Variants in SPAG9 observed in about 807,000 individuals in gnomAD.
The protein encoded by SPAG9 is sperm associated antigen 9, also known as C-Jun-amino-terminal kinase-interacting protein 4.
Under a neutral mutation model 166.5 loss-of-function variants are expected in SPAG9, and 35 were observed. The observed-to-expected ratio is 0.21, with a 90% CI of 0.16 to 0.28. SPAG9 has a LOEUF of 0.28. Ranked by LOEUF, SPAG9 falls within the 10% of genes least tolerant of loss-of-function variation. SPAG9 has a pLI of 1.00. For synonymous variants in SPAG9, 534 were observed against 565.5 expected, an observed-to-expected ratio of 0.94 and a Z score of 0.79; for missense variants, 1,235 against 1,603.3, an observed-to-expected ratio of 0.77 and a Z score of 3.92.
chr17:51,028,148 A>ATGT (rs2046259225), intron 6 of SPAG9, among the ~76,000 whole-genome samples: 2 of 152,118 alleles, frequency 1.3e-5, no homozygotes, highest in Admixed American at 1.3e-4. Flanking sequence ...GAGCTATACA[A>ATGT]TGTGTTTGTG....
At chr17:51,023,079 T>G (rs565146910) in intron 6 of SPAG9, among the ~76,000 whole-genome samples, 1 of 149,162 alleles carries the variant, frequency 6.7e-6, no homozygotes, top group African/African-American at 2.4e-5. Context: ...CTGTAAAATA[T>G]AGATAACAGT....
intron 1 of SPAG9, among the ~76,000 whole-genome samples, chr17:51,096,311 T>C (rs996723011): frequency 1.3e-5 from 2 of 150,944 alleles, no homozygotes; most frequent in South Asian, 2.1e-4. Flanking sequence ...ACTGCTCCAC[T>C]GCACTCCAGC....
In SPAG9 at chr17:51,041,504, C is replaced by T. The variant is rs140517324; in HGVS notation, c.738G>A (p.Leu246=). 8.6e-5 allele frequency: 139 copies of T among 1,612,842 alleles called. No individual in the cohort carries two copies. Among genetic ancestry groups the T allele is most frequent in the Non-Finnish European group, 1.1e-4 (133 of 1,179,530 alleles). ...ATTTCAGCAGCATAAAGCTTACCTTCAGGCTGGTATGAGAACGTGGTTGAC... is the reference window on the plus strand; with the variant it reads ...ATTTCAGCAGCATAAAGCTTACCTTTAGGCTGGTATGAGAACGTGGTTGAC... ...ELSQPRSHTS[L]KVSNSPEPQK... is the part of the protein sequence containing the mutation. Residue 246 remains leucine (L), a synonymous_variant, in exon 5 of 30, where the codon CTG becomes CTA. Coordinates refer to ENST00000262013, the MANE Select transcript of SPAG9 (RefSeq NM_001130528.3).
At chr17:51,057,587 G>A (rs552790021) in intron 2 of SPAG9, among the ~76,000 whole-genome samples, 1 of 152,250 alleles carries the variant, frequency 6.6e-6, no homozygotes, top group Admixed American at 6.5e-5. Context: ...GTGCTGCCCA[G>A]AAAATTCATT....
In SPAG9 at chr17:51,077,005, GCTAGCTAGCTAGCTAT is replaced by G. The variant is rs1441093345; in HGVS notation, c.424+2563_424+2578del. Among the ~76,000 whole-genome samples the G allele has an allele frequency of 1.9e-3, 180 of 92,602 alleles. 1 individual carries two copies. The highest frequency in any genetic ancestry group is 8.1e-3 in the African/African-American group (171 of 21,182). The allele number at this position is 92,602 out of a possible 152,430, so 60.8% of individuals were successfully genotyped here. On this transcript the variant is annotated intron_variant, in intron 2 of 29. Coordinates refer to ENST00000262013, the MANE Select transcript of SPAG9 (RefSeq NM_001130528.3). ...TCTTATCTAGCTATCTAGCTATCTA[GCTAGCTAGCTAGCTAT>G]CTAGCTATCTATCTAGCTATCTAGC... is the stretch of plus-strand genomic sequence containing the variant.
chr17:51,108,430 T>G (rs1355257064), intron 1 of SPAG9, among the ~76,000 whole-genome samples: 1 of 150,300 alleles, frequency 6.7e-6, no homozygotes. Context: ...ATATTAAATA[T>G]AGGGTCATTT....
intron 11 of SPAG9, among the ~76,000 whole-genome samples, chr17:51,005,514 G>C (rs1316159162): frequency 1.3e-5 from 2 of 152,192 alleles, no homozygotes; most frequent in Non-Finnish European, 2.9e-5. Context: ...AAAGATGTTT[G>C]AACAGTCTCT....
chr17:50,993,315 CAAA>C (rs71149333), intron 19 of SPAG9, among the ~76,000 whole-genome samples: 2 of 79,844 alleles, frequency 2.5e-5, no homozygotes, highest in Non-Finnish European at 2.5e-5. Context: ...GACTCTGTCT[CAAA>C]AAAAAAAAAA....
chr17:51,079,491 G>A (rs1257062881), intron 2 of SPAG9, 93 bp downstream of exon 2: 18 of 1,188,252 alleles, frequency 1.5e-5, no homozygotes, highest in Middle Eastern at 2.1e-4. Context: ...CTCCTACCTC[G>A]GCCTCCCAAA....
chr17:51,079,944 T>C (rs1461940735), intron 1 of SPAG9, among the ~76,000 whole-genome samples: 6 of 152,230 alleles, frequency 3.9e-5, no homozygotes, highest in African/African-American at 1.4e-4. Flanking sequence ...CCATATGATA[T>C]ACATATCTTA....
chr17:51,110,838 T>C (rs943901021), intron 1 of SPAG9, among the ~76,000 whole-genome samples: 12 of 150,578 alleles, frequency 8.0e-5, no homozygotes, highest in African/African-American at 2.7e-4. Flanking sequence ...AAACACAGTA[T>C]GGCCGGGTGG....
intron 13 of SPAG9, 29 bp downstream of exon 13, chr17:51,001,686 G>A (rs1346313257): frequency 2.5e-6 from 4 of 1,592,696 alleles, no homozygotes; most frequent in African/African-American, 1.4e-5. Context: ...ATAATAGTAG[G>A]AAAATAATGG....
At chr17:51,083,167 C>A (rs2048213153) in intron 1 of SPAG9, among the ~76,000 whole-genome samples, 1 of 151,660 alleles carries the variant, frequency 6.6e-6, no homozygotes, top group Non-Finnish European at 1.5e-5. Flanking sequence ...GTGTTTTGTT[C>A]TTTTCAGTTA....
At chr17:50,993,968 C>T in intron 18 of SPAG9, 33 bp from the exon 19 acceptor site, 2 of 1,577,708 alleles carry the variant, frequency 1.3e-6, no homozygotes, top group Non-Finnish European at 1.7e-6. Context: ...ATGTTTAAAA[C>T]AATATGTATG....
At chr17:51,115,068 A>C (rs980454470) in intron 1 of SPAG9, among the ~76,000 whole-genome samples, 5 of 152,228 alleles carry the variant, frequency 3.3e-5, no homozygotes, top group Non-Finnish European at 7.3e-5. Context: ...TCCAAAGACA[A>C]GAAGTGTCAA....
chr17:51,114,408 G>A (rs1417305903), intron 1 of SPAG9, among the ~76,000 whole-genome samples: 1 of 151,624 alleles, frequency 6.6e-6, no homozygotes, highest in African/African-American at 2.4e-5. Flanking sequence ...AAGGTAGGCA[G>A]ATAACAAGGT....
chr17:51,109,963 C>T (rs945477417), intron 1 of SPAG9, among the ~76,000 whole-genome samples: 1 of 152,148 alleles, frequency 6.6e-6, no homozygotes, highest in South Asian at 2.1e-4. Flanking sequence ...CCGCCCACCT[C>T]AGCCTCCCAA....
intron 2 of SPAG9, among the ~76,000 whole-genome samples, chr17:51,077,858 C>G (rs1037170482): frequency 2.6e-5 from 4 of 151,940 alleles, no homozygotes; most frequent in Middle Eastern, 3.4e-3. Context: ...ACCATGTTGC[C>G]CAGGCTGGTC....
At chr17:51,050,975 A>G (rs1341429384) in intron 3 of SPAG9, among the ~76,000 whole-genome samples, 1 of 148,566 alleles carries the variant, frequency 6.7e-6, no homozygotes, top group African/African-American at 2.5e-5. Flanking sequence ...GAACGAAGGG[A>G]GGGAGGAAAG....
Sources: allele counts gnomAD v4.1 joint callset (sites outside exome capture counted in the v4.1 genomes callset), GRCh38; gene constraint gnomAD v4.1.1; transcripts MANE v1.5; gene names NCBI Gene and HGNC (gene_info 2026-07-23, HGNC 2026-07-21).